Variants in TMEM19 observed in about 807,000 individuals in gnomAD.
TMEM19 encodes the protein transmembrane protein 19.
In TMEM19, 21 loss-of-function variants were observed where a neutral mutation model predicts 33.6. The observed-to-expected ratio is 0.62, with a 90% CI of 0.44 to 0.90. TMEM19 has a LOEUF of 0.90. TMEM19 is among the 40% of genes least tolerant of loss of function. The pLI, the probability that TMEM19 is intolerant of heterozygous loss-of-function variation, is 0.00. For missense variants in TMEM19, 402 were observed against 401.8 expected (o/e 1.00, Z 0.00); for synonymous variants, 149 against 147.5 (o/e 1.01, Z -0.07).
In TMEM19 at chr12:71,701,868, A is replaced by G. The variant is rs1881985098; in HGVS notation, c.*873A>G. ...TATTTCTTTATAAATTTACTGTCAT[A>G]TCAATTGCTGGAAAATGCTATGATT... On this transcript the variant is annotated 3_prime_UTR_variant, in exon 6 of 6. Coordinates refer to ENST00000266673, the MANE Select transcript of TMEM19 (RefSeq NM_018279.4). 1.3e-5 allele frequency: 2 copies of G among 152,316 alleles called. No homozygotes were observed. The highest frequency in any genetic ancestry group is 1.9e-4 in the East Asian group (1 of 5,194). 9.4% of individuals were successfully genotyped at this position (152,316 alleles called of 1,614,324 possible).
In TMEM19 at chr12:71,703,432, T is replaced by C. The variant is rs1378792714; in HGVS notation, c.*2437T>C. 1 of 152,184 alleles carries C rather than the reference T, an allele frequency of 6.6e-6. No homozygotes were observed. The highest frequency in any genetic ancestry group is 1.9e-4 in the East Asian group (1 of 5,182). The allele number at this position is 152,184 out of a possible 1,614,324, so 9.4% of individuals were successfully genotyped here. ...ATCATGTGTCAGTTTTCACACAGCC[T>C]GCACATCGTTCTGACATGCCCTTTT... is the stretch of plus-strand genomic sequence containing the variant. On this transcript the variant is annotated 3_prime_UTR_variant, in exon 6 of 6. Coordinates refer to ENST00000266673, the MANE Select transcript of TMEM19 (RefSeq NM_018279.4).
rs1042643147 is a variant in TMEM19, at chr12:71,704,068, T to G, written c.*3073T>G. The G allele has an allele frequency of 2.3e-6, 1 of 437,308 alleles. No homozygotes were observed. The highest frequency in any genetic ancestry group is 2.0e-5 in the African/African-American group (1 of 49,688). The allele number at this position is 437,308 out of a possible 1,614,324, so 27.1% of individuals were successfully genotyped here. Reference sequence around the variant, plus strand: ...CCTACCTAGCAGCATAAAGGTGTACTGTTTCTTATCATACTGTTCCATGAT... The same window carrying G: ...CCTACCTAGCAGCATAAAGGTGTACGGTTTCTTATCATACTGTTCCATGAT... On this transcript the variant is annotated 3_prime_UTR_variant, in exon 6 of 6. Coordinates refer to ENST00000266673, the MANE Select transcript of TMEM19 (RefSeq NM_018279.4).
intron 1 of TMEM19, 41 bp from the exon 2 acceptor site, chr12:71,689,550 A>G (rs1047315839): frequency 9.1e-6 from 14 of 1,538,734 alleles, no homozygotes; most frequent in Non-Finnish European, 1.3e-5. Flanking sequence ...TAACCTGTGC[A>G]AACTTCACAC....
At chr12:71,700,759 A>G (rs1881962600) in intron 5 of TMEM19, 73 bp from the exon 6 acceptor site, 2 of 1,415,272 alleles carry the variant, frequency 1.4e-6, no homozygotes, top group East Asian at 2.4e-5. Context: ...ATAAAAAAAA[A>G]AAAAAAGAAA....
intron 5 of TMEM19, 179 bp downstream of exon 5, chr12:71,699,288 T>A: frequency 1.5e-6 from 1 of 647,128 alleles, no homozygotes; most frequent in East Asian, 2.7e-5. Context: ...TTAAATTAAT[T>A]GAAAGAGAAT....
intron 5 of TMEM19, chr12:71,699,782 G>A (rs1048300436): frequency 5.9e-5 from 9 of 152,920 alleles, no homozygotes; most frequent in African/African-American, 1.4e-4. Flanking sequence ...CCTGGGAGGC[G>A]GAGATTGCAG....
At chr12:71,695,730 AT>A (rs1881859634) in intron 2 of TMEM19, among the ~76,000 whole-genome samples, 3 of 152,162 alleles carry the variant, frequency 2.0e-5, no homozygotes, top group Admixed American at 2.0e-4. Flanking sequence ...CAGAATTCTG[AT>A]TATTCTCATT....
At position 71,700,166 on chromosome 12, in the gene TMEM19, C is replaced by T. The variant is rs146305557; in HGVS notation, c.848-666C>T. Among the ~76,000 whole-genome samples, 172 of 152,242 alleles carry T rather than the reference C, an allele frequency of 1.1e-3. 1 individual carries two copies. Among genetic ancestry groups the T allele is most frequent in the African/African-American group, 3.6e-3 (150 of 41,538 alleles). On this transcript the variant is annotated intron_variant, in intron 5 of 5. Transcript: ENST00000266673. ...GTTAGTCTCATTTAGATTTTAAGGACGAAGCAATCTGATCTTAATTCTCAC... is the reference window on the plus strand; with the variant it reads ...GTTAGTCTCATTTAGATTTTAAGGATGAAGCAATCTGATCTTAATTCTCAC...
At chr12:71,700,442 C>G (rs1296485943) in intron 5 of TMEM19, among the ~76,000 whole-genome samples, 1 of 152,168 alleles carries the variant, frequency 6.6e-6, no homozygotes, top group African/African-American at 2.4e-5. Flanking sequence ...CGTCATAGAT[C>G]AGTCTTGGAG....
rs537892130 is a variant in TMEM19, at chr12:71,686,426, C to T, written c.-255C>T. ...GCTGAAGCGGCCGGCAGCCGGCGAC[C>T]GGCCCTCACCGTCCGCCGGGTTGCG... On this transcript the variant is annotated 5_prime_UTR_variant, in exon 1 of 6. Coordinates refer to ENST00000266673, the MANE Select transcript of TMEM19 (RefSeq NM_018279.4). The T allele has an allele frequency of 6.4e-5, 22 of 342,630 alleles. No individual in the cohort carries two copies. The highest frequency in any genetic ancestry group is 8.3e-4 in the Middle Eastern group (1 of 1,208). The allele number at this position is 342,630 out of a possible 1,614,324, so 21.2% of individuals were successfully genotyped here. A position where few individuals can be genotyped will look rare whatever the true frequency, so the allele number is the denominator to read the frequency against.
At position 71,697,372 on chromosome 12, in the gene TMEM19, A is replaced by G. The variant is rs776185157; in HGVS notation, c.475A>G (p.Ile159Val). The G allele has an allele frequency of 1.2e-5, 20 of 1,611,106 alleles. No homozygotes were observed. The highest frequency in any genetic ancestry group is 1.7e-4 in the Middle Eastern group (1 of 6,054). Residue 159 changes from isoleucine to valine, a missense_variant, in exon 4 of 6, where the codon ATC (isoleucine) becomes GTC (valine). Coordinates refer to ENST00000266673, the MANE Select transcript of TMEM19 (RefSeq NM_018279.4). ...LYMIENGPGEIPVDFSKQYSA... is the reference protein window; with the variant it reads ...LYMIENGPGEVPVDFSKQYSA... ...CATGATAGAAAATGGCCCCGGGGAA[A>G]TCCCAGTCGATTTTTCCAAGCAGTA...
chr12:71,689,678 G>T lies in TMEM19; in HGVS notation c.218G>T (p.Ser73Ile). Residue 73 changes from serine (S) to isoleucine (I), a missense_variant, in exon 2 of 6, where the codon AGT becomes ATT. Transcript: ENST00000266673. ...GTCTCTAATGGCCTTAAAAAGAAAA[G>T]TCTAGATCACAGTGGGGCTCTAGGA... The part of the protein sequence containing the change: ...LIVSNGLKKK[S>I]LDHSGALGGL... 1.2e-6 allele frequency: 2 copies of T among 1,613,940 alleles called. No individual in the cohort carries two copies. The highest frequency in any genetic ancestry group is 3.3e-5 in the Admixed American group (2 of 60,014).
chr12:71,700,875 T>A lies in TMEM19; in HGVS notation c.891T>A (p.Asn297Lys), dbSNP rs754288021. The change falls in exon 6 of 6, where the codon AAT becomes AAA. Residue 297 changes from asparagine (N) to lysine (K), a missense_variant. Transcript: ENST00000266673. ...GCATGGTGGTCAACAGCCCAACAAA[T>A]AAGGCAAGGCACATAGCAGGGAAAC... ...STGMVVNSPT[N>K]KARHIAGKPI... 22 of 1,611,288 alleles carry A rather than the reference T, an allele frequency of 1.4e-5. No homozygotes were observed. Among genetic ancestry groups the A allele is most frequent in the African/African-American group, 2.7e-5 (2 of 74,748 alleles).
rs531861535 is a variant in TMEM19 at position 71,696,591 on chromosome 12, A to G, written c.382+18A>G. 3.2e-6 allele frequency: 5 copies of G among 1,560,046 alleles called. No homozygotes were observed. The South Asian group carries it at 6.0e-5, about 19-fold the overall frequency. On this transcript the variant is annotated intron_variant, in intron 3 of 5. Coordinates refer to ENST00000266673, the MANE Select transcript of TMEM19 (RefSeq NM_018279.4). ...TAAGGAAGGTAAAATTATGTTTGAT[A>G]TCATTCAAAATAGTAAACTTCATTT... is the stretch of plus-strand genomic sequence containing the variant.
chr12:71,691,432 C>T (rs1385743595), intron 2 of TMEM19, among the ~76,000 whole-genome samples: 3 of 151,618 alleles, frequency 2.0e-5, no homozygotes, highest in African/African-American at 7.3e-5. Context: ...TTTGAACAAT[C>T]TCTGCTTAAA....
chr12:71,696,421 A>G lies in TMEM19; in HGVS notation c.245-15A>G. ...GAATTGAATATAATTCTGTGTTTATATATGTTTCTTTCAGGGCTAGTCGTT... is the reference window on the plus strand; with the variant it reads ...GAATTGAATATAATTCTGTGTTTATGTATGTTTCTTTCAGGGCTAGTCGTT... On this transcript the variant is annotated splice_polypyrimidine_tract_variant and intron_variant, in intron 2 of 5. Transcript: ENST00000266673. 1 of 1,583,860 alleles carries G rather than the reference A, an allele frequency of 6.3e-7. No individual in the cohort carries two copies. Among genetic ancestry groups the G allele is most frequent in the Non-Finnish European group, 8.6e-7 (1 of 1,165,226 alleles).
rs138060461 is a variant in TMEM19 at position 71,696,262 on chromosome 12, A to G, written c.245-174A>G. 4.3e-4 allele frequency among the ~76,000 whole-genome samples: 65 copies of G among 152,314 alleles called. No individual in the cohort carries two copies. In the East Asian group the frequency reaches 9.2e-3, roughly 22 times the overall value. On this transcript the variant is annotated intron_variant, in intron 2 of 5. Transcript: ENST00000266673. Reference sequence around the variant, plus strand: ...GATTAAAATATGGTAAAAAATGTGTACTCAAAATGGCATTCAGTTTACTGC... The same window carrying G: ...GATTAAAATATGGTAAAAAATGTGTGCTCAAAATGGCATTCAGTTTACTGC...
chr12:71,698,607 A>AAGAGAGAGAG lies in TMEM19; in HGVS notation c.638-249_638-240dup, dbSNP rs71068787. The stretch of plus-strand genomic sequence containing the variant: ...GATAGAGCAAAACCTTGTCTCTGAA[A>AAGAGAGAGAG]AGAGAGAGAGAGAGAGAGAGAGAGA... On this transcript the variant is annotated intron_variant, in intron 4 of 5. Transcript: ENST00000266673. Among the ~76,000 whole-genome samples, 12 of 121,276 alleles carry AAGAGAGAGAG rather than the reference A, an allele frequency of 9.9e-5. No individual in the cohort carries two copies. In the East Asian group the frequency reaches 1.5e-3, roughly 15 times the overall value. 79.6% of individuals were successfully genotyped at this position (121,276 alleles called of 152,430 possible). A position where few individuals can be genotyped will look rare whatever the true frequency, so the allele number is the denominator to read the frequency against.
In TMEM19 at chr12:71,686,239, C is replaced by T. The variant is rs1036898210; in HGVS notation, c.-442C>T. On this transcript the variant is annotated 5_prime_UTR_variant, in exon 1 of 6. Coordinates refer to ENST00000266673, the MANE Select transcript of TMEM19 (RefSeq NM_018279.4). ...AGCCGCGTCGGGCGTGCTTCCCAGA[C>T]TTGCCCAAGTTCGGGTGCCCTAGCT... 2.8e-5 allele frequency: 6 copies of T among 215,914 alleles called. No homozygotes were observed. Among genetic ancestry groups the T allele is most frequent in the Admixed American group, 6.4e-5 (1 of 15,658 alleles). 13.4% of individuals were successfully genotyped at this position (215,914 alleles called of 1,614,324 possible). A position where few individuals can be genotyped will look rare whatever the true frequency, so the allele number is the denominator to read the frequency against.
Sources: gnomAD v4.1 joint callset for allele counts (sites outside exome capture counted in the v4.1 genomes callset) on GRCh38, gnomAD v4.1.1 for gene constraint, MANE v1.5 for transcripts, NCBI Gene and HGNC (gene_info 2026-07-23, HGNC 2026-07-21) for gene names.